GALNT17: variants seen among roughly 807,000 people sequenced by gnomAD.
GALNT17 encodes the protein UDP-GalNAc:polypeptide N-acetylgalactosaminyltransferase-like 3.
GALNT17 carries 29 observed loss-of-function variants against 63.7 expected under a neutral mutation model. That is an observed-to-expected ratio of 0.46 (90% CI 0.34 to 0.62). The LOEUF is 0.62. Ranked by LOEUF, GALNT17 falls within the 20% of genes least tolerant of loss-of-function variation. GALNT17 has a pLI of 0.01. For missense variants in GALNT17, 603 were observed against 799.6 expected (o/e 0.75, Z 2.97); for synonymous variants, 305 against 318.3 (o/e 0.96, Z 0.45).
intron 6 of GALNT17, among the ~76,000 whole-genome samples, chr7:71,642,526 T>G (rs1057396792): frequency 2.6e-5 from 4 of 152,148 alleles, no homozygotes; most frequent in African/African-American, 9.7e-5. Context: ...AAGAAAGATT[T>G]TCCTTTACCA....
intron 1 of GALNT17, among the ~76,000 whole-genome samples, chr7:71,202,040 A>G (rs1789183424): frequency 6.6e-6 from 1 of 152,148 alleles, no homozygotes; most frequent in Non-Finnish European, 1.5e-5. Flanking sequence ...TCCTTATGAC[A>G]TGTTTGTTTC....
intron 5 of GALNT17, among the ~76,000 whole-genome samples, chr7:71,454,276 A>G (rs1234473724): frequency 6.6e-6 from 1 of 152,106 alleles, no homozygotes; most frequent in Non-Finnish European, 1.5e-5. Flanking sequence ...CCCTGTGTCC[A>G]TGTATTCTCA....
chr7:71,636,187 T>G (rs1180746671), intron 6 of GALNT17, among the ~76,000 whole-genome samples: 1 of 152,232 alleles, frequency 6.6e-6, no homozygotes, highest in Non-Finnish European at 1.5e-5. Flanking sequence ...TTTCAAGTTC[T>G]TTCTTCTAGC....
chr7:71,191,833 G>C (rs1320140459), intron 1 of GALNT17, among the ~76,000 whole-genome samples: 1 of 152,090 alleles, frequency 6.6e-6, no homozygotes, highest in East Asian at 1.9e-4. Context: ...TATTACTCAG[G>C]GTTCTCTAGA....
chr7:71,259,921 G>T (rs1194507519), intron 1 of GALNT17, among the ~76,000 whole-genome samples: 1 of 152,056 alleles, frequency 6.6e-6, no homozygotes, highest in African/African-American at 2.4e-5. Flanking sequence ...GATTACAGGC[G>T]TGAGCCACCG....
chr7:71,286,854 G>A (rs1373694752), intron 1 of GALNT17, among the ~76,000 whole-genome samples: 1 of 150,838 alleles, frequency 6.6e-6, no homozygotes, highest in East Asian at 2.0e-4. Flanking sequence ...GTGGTGGTGC[G>A]ATCATGGGTT....
intron 3 of GALNT17, among the ~76,000 whole-genome samples, chr7:71,392,156 C>A (rs535050356): frequency 6.6e-6 from 1 of 152,108 alleles, no homozygotes; most frequent in Non-Finnish European, 1.5e-5. Flanking sequence ...CATTTAGTTT[C>A]CCCCAGAAGC....
intron 1 of GALNT17, among the ~76,000 whole-genome samples, chr7:71,193,454 C>CTT (rs1159902249): frequency 0.17 from 17,728 of 107,156 alleles, 1,713 homozygotes; most frequent in East Asian, 0.35. Flanking sequence ...ACGCTTTTGT[C>CTT]TTTTTTTTTT....
chr7:71,614,048 A>G (rs1790163417), intron 6 of GALNT17, among the ~76,000 whole-genome samples: 1 of 152,068 alleles, frequency 6.6e-6, no homozygotes, highest in South Asian at 2.1e-4. Flanking sequence ...ATTACTTTTT[A>G]TTTTAGTCCT....
intron 6 of GALNT17, among the ~76,000 whole-genome samples, chr7:71,616,437 TA>T (rs1479699875): frequency 2.0e-5 from 3 of 148,352 alleles, no homozygotes; most frequent in Non-Finnish European, 4.5e-5. Context: ...TTTTTATTAT[TA>T]TTTTTATTAT....
intron 5 of GALNT17, among the ~76,000 whole-genome samples, chr7:71,442,259 C>T (rs1013302112): frequency 1.3e-5 from 2 of 152,042 alleles, no homozygotes; most frequent in African/African-American, 2.4e-5. Context: ...TGCAATGGCC[C>T]GATCTCAGCT....
intron 5 of GALNT17, among the ~76,000 whole-genome samples, chr7:71,562,990 A>G (rs1474333009): frequency 6.6e-6 from 1 of 152,192 alleles, no homozygotes; most frequent in Non-Finnish European, 1.5e-5. Context: ...AAAGCTGTAT[A>G]TGTCTTGGTG....
At chr7:71,410,695 T>C (rs1583928251) in intron 3 of GALNT17, among the ~76,000 whole-genome samples, 2 of 152,240 alleles carry the variant, frequency 1.3e-5, no homozygotes, top group African/African-American at 4.8e-5. Context: ...AATTCTGTAA[T>C]GTTCTTTGCT....
At chr7:71,177,843 T>C (rs556451296) in intron 1 of GALNT17, among the ~76,000 whole-genome samples, 1 of 152,302 alleles carries the variant, frequency 6.6e-6, no homozygotes, top group Admixed American at 6.5e-5. Flanking sequence ...AACTGGAGTA[T>C]AGCTATCCAA....
chr7:71,475,140 T>C (rs1285000906), intron 5 of GALNT17, among the ~76,000 whole-genome samples: 2 of 152,206 alleles, frequency 1.3e-5, no homozygotes, highest in Non-Finnish European at 2.9e-5. Context: ...AATCAATTTC[T>C]GTTGCTTTAA....
chr7:71,452,370 AC>A (rs1359122595), intron 5 of GALNT17, among the ~76,000 whole-genome samples: 3 of 152,144 alleles, frequency 2.0e-5, no homozygotes, highest in South Asian at 2.1e-4. Flanking sequence ...ACAAGGTGAA[AC>A]CCTGTCTCTA....
intron 1 of GALNT17, among the ~76,000 whole-genome samples, chr7:71,323,288 T>G (rs1443768543): frequency 6.6e-6 from 1 of 152,192 alleles, no homozygotes; most frequent in Non-Finnish European, 1.5e-5. Flanking sequence ...TGGTGGACTC[T>G]TTGTCCCTGG....
intron 5 of GALNT17, among the ~76,000 whole-genome samples, chr7:71,553,305 G>A (rs1373984990): frequency 1.3e-5 from 2 of 151,974 alleles, no homozygotes; most frequent in East Asian, 3.9e-4. Context: ...CCAGCCTGGG[G>A]GACAGAGCAA....
At chr7:71,318,449 C>T (rs1192534496) in intron 1 of GALNT17, among the ~76,000 whole-genome samples, 1 of 123,378 alleles carries the variant, frequency 8.1e-6, no homozygotes, top group Non-Finnish European at 1.6e-5. Context: ...GGGATATAGT[C>T]TTGCTTTGTC....
Sources: allele counts gnomAD v4.1 joint callset (sites outside exome capture counted in the v4.1 genomes callset), GRCh38; gene constraint gnomAD v4.1.1; transcripts MANE v1.5; gene names NCBI Gene and HGNC (gene_info 2026-07-23, HGNC 2026-07-21).